NBAS: variants seen among roughly 807,000 people sequenced by gnomAD.
NBAS encodes the protein NBAS subunit of NRZ tethering complex, also known as NAG/BC035112 fusion.
Under a neutral mutation model 302.5 loss-of-function variants are expected in NBAS, and 219 were observed. The observed-to-expected ratio is 0.72, with a 90% CI of 0.65 to 0.81. The LOEUF is 0.81. Ranked by LOEUF, NBAS falls within the 30% of genes least tolerant of loss-of-function variation. NBAS has a pLI of 0.00. For synonymous variants in NBAS, 1,118 were observed against 1,021.6 expected, an observed-to-expected ratio of 1.09 and a Z score of -1.80; for missense variants, 2,932 against 2,841.6, an observed-to-expected ratio of 1.03 and a Z score of -0.72.
intron 48 of NBAS, among the ~76,000 whole-genome samples, chr2:15,211,988 C>T (rs964813370): frequency 2.0e-5 from 3 of 152,200 alleles, no homozygotes; most frequent in Admixed American, 1.3e-4. Context: ...TGCCACAAAA[C>T]TGGATTCTCC....
the NBAS span, among the ~76,000 whole-genome samples, chr2:14,876,301 A>T: frequency 2.0e-5 from 3 of 152,202 alleles, no homozygotes; most frequent in Non-Finnish European, 4.4e-5. Context: ...GGAAAAGACA[A>T]CCAAGTAGAT....
chr2:15,191,175 T>C (rs1665338207), intron 48 of NBAS, among the ~76,000 whole-genome samples: 1 of 152,176 alleles, frequency 6.6e-6, no homozygotes, highest in African/African-American at 2.4e-5. Flanking sequence ...TACACAGACA[T>C]TCATGATGAT....
At chr2:14,783,402 G>A in the NBAS span, among the ~76,000 whole-genome samples, 2 of 151,326 alleles carry the variant, frequency 1.3e-5, no homozygotes, top group East Asian at 3.9e-4. Flanking sequence ...CATGTGCCAT[G>A]CTGGTGTGCT....
chr2:15,177,946 G>C (rs996159047), intron 51 of NBAS: 9 of 319,772 alleles, frequency 2.8e-5, no homozygotes, highest in African/African-American at 1.9e-4. Flanking sequence ...ATGAATAAAG[G>C]CATTTGATTT....
the NBAS span, among the ~76,000 whole-genome samples, chr2:14,923,195 C>CT: frequency 0.087 from 13,214 of 152,192 alleles, 647 homozygotes; most frequent in African/African-American, 0.11. Context: ...CAGTGGTTCT[C>CT]CGTTCATTCA....
At chr2:15,337,273 A>G (rs567005249) in intron 35 of NBAS, among the ~76,000 whole-genome samples, 1 of 152,176 alleles carries the variant, frequency 6.6e-6, no homozygotes, top group South Asian at 2.1e-4. Flanking sequence ...GTTAGCTATA[A>G]TCGTGCACTC....
chr2:15,209,091 TA>T (rs1245836849), intron 48 of NBAS, among the ~76,000 whole-genome samples: 1 of 151,646 alleles, frequency 6.6e-6, no homozygotes, highest in Non-Finnish European at 1.5e-5. Context: ...AAAACCCAAA[TA>T]AAACCAAAGA....
intron 6 of NBAS, among the ~76,000 whole-genome samples, chr2:15,547,223 T>A (rs1664157264): frequency 6.6e-6 from 1 of 152,170 alleles, no homozygotes; most frequent in African/African-American, 2.4e-5. Flanking sequence ...TAGCTCCTAT[T>A]TCAGTTTGTA....
At chr2:14,864,107 A>C in the NBAS span, among the ~76,000 whole-genome samples, 1 of 152,144 alleles carries the variant, frequency 6.6e-6, no homozygotes, top group African/African-American at 2.4e-5. Context: ...TCATGAGGTC[A>C]GGAGTTCGAG....
chr2:15,179,333 T>C, intron 50 of NBAS: 1 of 599,920 alleles, frequency 1.7e-6, no homozygotes, highest in Non-Finnish European at 2.9e-6. Flanking sequence ...TATCAGATAT[T>C]CATCGACAAT....
chr2:15,541,605 A>C (rs757060550), intron 6 of NBAS, among the ~76,000 whole-genome samples: 1 of 152,142 alleles, frequency 6.6e-6, no homozygotes, highest in African/African-American at 2.4e-5. Flanking sequence ...TTCAGCATGG[A>C]TAAGTCTAAT....
the NBAS span, among the ~76,000 whole-genome samples, chr2:15,131,570 A>G: frequency 6.6e-6 from 1 of 152,102 alleles, no homozygotes; most frequent in African/African-American, 2.4e-5. Flanking sequence ...AGCATGAATT[A>G]TTTTCTTCTT....
At position 15,230,419 on chromosome 2, in the gene NBAS, T is replaced by C. The variant is rs201182232; in HGVS notation, c.6236+2003A>G. 2.7e-4 allele frequency among the ~76,000 whole-genome samples: 40 copies of C among 148,840 alleles called. No homozygotes were observed. In the East Asian group the frequency reaches 6.6e-3, roughly 25 times the overall value. On this transcript the variant is annotated intron_variant, in intron 47 of 51. Coordinates refer to ENST00000281513, the MANE Select transcript of NBAS (RefSeq NM_015909.4). Reference sequence around the variant, plus strand: ...AAAAAAAAAAAAAAAAAAAAAGTTCTCTGAAGTTTCTTTTGTTAAGAAGGC... The same window carrying C: ...AAAAAAAAAAAAAAAAAAAAAGTTCCCTGAAGTTTCTTTTGTTAAGAAGGC...
intron 11 of NBAS, among the ~76,000 whole-genome samples, chr2:15,494,759 C>T (rs1681002997): frequency 6.6e-6 from 1 of 152,166 alleles, no homozygotes; most frequent in African/African-American, 2.4e-5. Context: ...CTGCTCCACT[C>T]CCAGCACTTA....
chr2:14,815,110 G>A, the NBAS span, among the ~76,000 whole-genome samples: 1 of 152,124 alleles, frequency 6.6e-6, no homozygotes, highest in Non-Finnish European at 1.5e-5. Flanking sequence ...AGAACTGTGG[G>A]TCATTTAAAC....
chr2:15,240,616 C>CA (rs559656863), intron 44 of NBAS, among the ~76,000 whole-genome samples: 42 of 151,652 alleles, frequency 2.8e-4, no homozygotes, highest in East Asian at 7.8e-4. Context: ...GACTCCGTCT[C>CA]AAAAAACAAA....
the NBAS span, among the ~76,000 whole-genome samples, chr2:15,068,150 T>A: frequency 6.6e-6 from 1 of 152,220 alleles, no homozygotes; most frequent in South Asian, 2.1e-4. Flanking sequence ...CTTTGCCACT[T>A]ACTGGCTGTA....
intron 48 of NBAS, among the ~76,000 whole-genome samples, chr2:15,196,954 C>T (rs1665652677): frequency 6.6e-6 from 1 of 152,074 alleles, no homozygotes; most frequent in African/African-American, 2.4e-5. Context: ...TATAAATGAT[C>T]AGTTATGGCA....
chr2:14,800,805 A>G, the NBAS span, among the ~76,000 whole-genome samples: 1 of 57,462 alleles, frequency 1.7e-5, no homozygotes, highest in Non-Finnish European at 3.2e-5. Context: ...TTTTTTTTTT[A>G]GGCACTTACA....
Sources: gnomAD v4.1 joint callset for allele counts (sites outside exome capture counted in the v4.1 genomes callset) on GRCh38, gnomAD v4.1.1 for gene constraint, MANE v1.5 for transcripts, NCBI Gene and HGNC (gene_info 2026-07-23, HGNC 2026-07-21) for gene names.